The following EDNRA variants were observed in gnomAD, a reference collection of about 807,000 sequenced individuals.
The protein encoded by EDNRA is endothelin-1 receptor.
A neutral mutation model predicts 41.4 loss-of-function variants in EDNRA; 11 were observed. The ratio of observed to expected loss-of-function variants is 0.27; its 90% CI spans 0.17 to 0.44. The LOEUF is 0.44. EDNRA is among the 20% of genes least tolerant of loss of function. The pLI is 1.00. For missense variants in EDNRA, 294 were observed against 531.0 expected, an observed-to-expected ratio of 0.55 and a Z score of 4.39; for synonymous variants, 172 against 183.0, an observed-to-expected ratio of 0.94 and a Z score of 0.49.
intron 2 of EDNRA, among the ~76,000 whole-genome samples, chr4:147,511,930 G>A (rs555988780): frequency 6.6e-6 from 1 of 152,310 alleles, no homozygotes; most frequent in African/African-American, 2.4e-5. Flanking sequence ...ATGACAAGAT[G>A]TAGGGCTCCA....
intron 5 of EDNRA, among the ~76,000 whole-genome samples, chr4:147,536,400 T>A (rs10305921): frequency 6.6e-6 from 1 of 151,980 alleles, no homozygotes; most frequent in Admixed American, 6.6e-5. Flanking sequence ...AAATAAAATA[T>A]GCATGCAAAA....
intron 2 of EDNRA, among the ~76,000 whole-genome samples, chr4:147,505,469 G>A (rs1008734599): frequency 2.0e-4 from 30 of 150,198 alleles, no homozygotes; most frequent in African/African-American, 7.3e-4. Flanking sequence ...AGCCTCCTGA[G>A]TAACTAGGAT....
intron 3 of EDNRA, among the ~76,000 whole-genome samples, chr4:147,524,959 G>C (rs1730482488): frequency 6.6e-6 from 1 of 152,104 alleles, no homozygotes; most frequent in Non-Finnish European, 1.5e-5. Flanking sequence ...AATGAAAAGG[G>C]AGTTTGGAAC....
chr4:147,505,245 T>G (rs1379130706), intron 2 of EDNRA, among the ~76,000 whole-genome samples: 2 of 149,108 alleles, frequency 1.3e-5, no homozygotes, highest in Non-Finnish European at 3.0e-5. Flanking sequence ...CAACATCTAA[T>G]TCTGTCATGG....
chr4:147,512,607 TC>T (rs1337573495), intron 2 of EDNRA, among the ~76,000 whole-genome samples: 1 of 152,244 alleles, frequency 6.6e-6, no homozygotes, highest in East Asian at 1.9e-4. Context: ...TAAGTGCTTT[TC>T]ATGTATGAAC....
chr4:147,497,135 G>A (rs930065612), intron 2 of EDNRA, among the ~76,000 whole-genome samples: 1 of 149,284 alleles, frequency 6.7e-6, no homozygotes, highest in Admixed American at 6.7e-5. Flanking sequence ...TAAGAACTAG[G>A]CAATAGAATT....
At position 147,485,778 on chromosome 4, in the gene EDNRA, CAT is replaced by C. The variant is rs1330056194; in HGVS notation, c.98_99del (p.His33ArgfsTer3). 6.2e-7 allele frequency: 1 copy of C among 1,614,104 alleles called. No individual in the cohort carries two copies. The highest frequency in any genetic ancestry group is 1.3e-5 in the African/African-American group (1 of 74,936). ...PERYSTNLSN[H>X]VDDFTTFRGT... is the part of the protein sequence containing the mutation. ...GAGATACAGCACAAATCTAAGCAAT[CAT>C]GTGGATGATTTCACCACTTTTCGTG... On this transcript the variant is annotated frameshift_variant, in exon 2 of 8. Transcript: ENST00000651419. LOFTEE classifies it high-confidence loss of function.
intron 2 of EDNRA, among the ~76,000 whole-genome samples, chr4:147,514,704 C>T (rs937056885): frequency 3.3e-5 from 5 of 152,110 alleles, no homozygotes; most frequent in Non-Finnish European, 5.9e-5. Context: ...GAACTCCTGG[C>T]CTCAAGTGAT....
At position 147,519,771 on chromosome 4, in the gene EDNRA, G is replaced by T; in HGVS notation, c.421-80G>T. On this transcript the variant is annotated intron_variant, in intron 2 of 7. Coordinates refer to ENST00000651419, the MANE Select transcript of EDNRA (RefSeq NM_001957.4). This position sits in a 1 kb window ranked among gnomAD's most constrained non-coding sequence, Gnocchi z 4.1. Reference sequence around the variant, plus strand: ...ACTGTGAATAAAATTTAGAAGTTGGGACGCATAACTAAAACTGTAAGTGCC... The same window carrying T: ...ACTGTGAATAAAATTTAGAAGTTGGTACGCATAACTAAAACTGTAAGTGCC... 1 of 1,490,380 alleles carries T rather than the reference G, an allele frequency of 6.7e-7. No individual in the cohort carries two copies. Among genetic ancestry groups the T allele is most frequent in the Non-Finnish European group, 9.0e-7 (1 of 1,107,600 alleles). 92.3% of individuals were successfully genotyped at this position (1,490,380 alleles called of 1,614,324 possible).
At chr4:147,481,675 T>C (rs1728763583) in intron 1 of EDNRA, among the ~76,000 whole-genome samples, 1 of 152,214 alleles carries the variant, frequency 6.6e-6, no homozygotes, top group Non-Finnish European at 1.5e-5. Context: ...CCCAATAGTT[T>C]TCCCTGGGTG....
chr4:147,525,594 G>T (rs1578806392), intron 3 of EDNRA, among the ~76,000 whole-genome samples: 1 of 84,360 alleles, frequency 1.2e-5, no homozygotes, highest in Non-Finnish European at 2.1e-5. Flanking sequence ...TTGTTTGGAG[G>T]CAAAAAAAAA....
intron 3 of EDNRA, among the ~76,000 whole-genome samples, chr4:147,521,026 A>G (rs1440428779): frequency 6.6e-6 from 1 of 152,102 alleles, no homozygotes; most frequent in African/African-American, 2.4e-5. Flanking sequence ...GGAGGCCAAG[A>G]TGGGCTGACT....
At chr4:147,515,438 T>A (rs912776638) in intron 2 of EDNRA, among the ~76,000 whole-genome samples, 9 of 152,154 alleles carry the variant, frequency 5.9e-5, no homozygotes, top group African/African-American at 2.2e-4. Context: ...GCCAAGGCAC[T>A]GGGATATGGA....
intron 7 of EDNRA, among the ~76,000 whole-genome samples, chr4:147,541,417 G>T (rs886637118): frequency 3.3e-5 from 5 of 152,184 alleles, no homozygotes; most frequent in African/African-American, 4.8e-5. Flanking sequence ...AAGAATGCAG[G>T]CTCTGGAAGC....
intron 2 of EDNRA, among the ~76,000 whole-genome samples, chr4:147,497,610 C>G: frequency 6.6e-6 from 1 of 151,490 alleles, no homozygotes; most frequent in Non-Finnish European, 1.5e-5. Flanking sequence ...CTCGCTCTGT[C>G]GCCCAGGCTG....
chr4:147,489,188 G>T (rs780100316), intron 2 of EDNRA: 1 of 151,972 alleles, frequency 6.6e-6, no homozygotes, highest in Non-Finnish European at 1.5e-5. Flanking sequence ...AAATTTATGG[G>T]GTGCAAGTGT....
intron 1 of EDNRA, among the ~76,000 whole-genome samples, chr4:147,482,477 G>A (rs10305851): frequency 1.3e-5 from 2 of 152,142 alleles, no homozygotes; most frequent in Non-Finnish European, 2.9e-5. Flanking sequence ...CTGATTATGA[G>A]TGATGATTCA....
At chr4:147,481,937 G>A (rs979526765) in intron 1 of EDNRA, among the ~76,000 whole-genome samples, 5 of 152,174 alleles carry the variant, frequency 3.3e-5, no homozygotes, top group African/African-American at 9.7e-5. Flanking sequence ...TTCTGTGCTC[G>A]CCTTTAAAGG....
In EDNRA at chr4:147,535,999, G is replaced by A. The variant is rs989646031; in HGVS notation, c.870G>A (p.Leu290=). 10 of 1,613,994 alleles carry A rather than the reference G, an allele frequency of 6.2e-6. No individual in the cohort carries two copies. The highest frequency in any genetic ancestry group is 1.7e-5 in the Admixed American group (1 of 59,998). ...TGTTGAACAGAAGGAATGGCAGCTT[G>A]AGAATTGCCCTCAGTGAACATCTTA... The part of the protein sequence containing the change: ...CEMLNRRNGS[L]RIALSEHLKQ... The change falls in exon 5 of 8, where the codon TTG becomes TTA. Residue 290 remains leucine (L), a synonymous_variant. Transcript: ENST00000651419.
Sources: allele counts gnomAD v4.1 joint callset (sites outside exome capture counted in the v4.1 genomes callset), GRCh38; gene constraint gnomAD v4.1.1; non-coding constraint Gnocchi (gnomAD v3.1); transcripts MANE v1.5; gene names NCBI Gene and HGNC (gene_info 2026-07-23, HGNC 2026-07-21).